The following RARB variants were observed in gnomAD, a reference collection of about 807,000 sequenced individuals.
RARB encodes HBV-activated protein.
In RARB, 17 loss-of-function variants were observed where a neutral mutation model predicts 51.9. The ratio of observed to expected loss-of-function variants is 0.33; its 90% CI spans 0.22 to 0.49. The LOEUF is 0.49. Among genes scored for constraint, RARB ranks in the 20% least tolerant of loss-of-function variants. The pLI is 0.99. For synonymous variants in RARB, 215 were observed against 195.4 expected (o/e 1.10, Z -0.84); for missense variants, 369 against 550.8 (o/e 0.67, Z 3.30).
intron 3 of RARB, among the ~76,000 whole-genome samples, chr3:25,085,975 C>A (rs1699097196): frequency 6.6e-6 from 1 of 152,166 alleles, no homozygotes; most frequent in Admixed American, 6.5e-5. Context: ...GGAAGAAGTT[C>A]TCCTCCACGT....
chr3:25,530,920 T>C (rs1377067393), intron 3 of RARB, among the ~76,000 whole-genome samples: 1 of 152,186 alleles, frequency 6.6e-6, no homozygotes, highest in Non-Finnish European at 1.5e-5. Flanking sequence ...GGTTTCAGGA[T>C]CATATGGACT....
At chr3:25,082,373 T>A (rs961956957) in intron 3 of RARB, among the ~76,000 whole-genome samples, 6 of 152,124 alleles carry the variant, frequency 3.9e-5, no homozygotes, top group Non-Finnish European at 5.9e-5. Context: ...TCTTCTTTTT[T>A]CTGATTTTTG....
At chr3:25,090,851 A>C (rs149335511) in intron 3 of RARB, among the ~76,000 whole-genome samples, 1 of 151,934 alleles carries the variant, frequency 6.6e-6, no homozygotes, top group Non-Finnish European at 1.5e-5. Flanking sequence ...TCAAACTCAC[A>C]CTCCATTTTT....
chr3:25,062,594 G>C (rs928941195), intron 3 of RARB, among the ~76,000 whole-genome samples: 1 of 151,884 alleles, frequency 6.6e-6, no homozygotes, highest in Non-Finnish European at 1.5e-5. Context: ...TGAAATATAA[G>C]TATTGATACT....
At chr3:25,387,804 T>C (rs1363998099) in intron 5 of RARB, among the ~76,000 whole-genome samples, 1 of 147,988 alleles carries the variant, frequency 6.8e-6, no homozygotes, top group Non-Finnish European at 1.5e-5. Context: ...TTGTGTTTTA[T>C]GTCAAAATAA....
chr3:25,240,145 T>C (rs1367607604), intron 5 of RARB, among the ~76,000 whole-genome samples: 3 of 152,046 alleles, frequency 2.0e-5, no homozygotes, highest in African/African-American at 7.2e-5. Flanking sequence ...TAGTTCATCA[T>C]TGGTGTATAG....
At chr3:25,501,371 G>T in intron 3 of RARB, 48 bp downstream of exon 3, 2 of 1,594,816 alleles carry the variant, frequency 1.3e-6, no homozygotes, top group South Asian at 1.1e-5. Context: ...TTATCTCTGT[G>T]ATTTGCTCAC....
chr3:24,981,353 G>T (rs768573649), intron 2 of RARB, among the ~76,000 whole-genome samples: 17 of 152,188 alleles, frequency 1.1e-4, no homozygotes, highest in Non-Finnish European at 2.5e-4. Flanking sequence ...GCTGCCTTTT[G>T]TTTAGTTATG....
chr3:25,117,927 T>C (rs1699718560), intron 3 of RARB, among the ~76,000 whole-genome samples: 1 of 152,164 alleles, frequency 6.6e-6, no homozygotes, highest in African/African-American at 2.4e-5. Flanking sequence ...AAGTTACAAT[T>C]GAAGGGTGAA....
intron 5 of RARB, among the ~76,000 whole-genome samples, chr3:25,209,950 A>G (rs559898500): frequency 8.5e-5 from 13 of 152,284 alleles, no homozygotes; most frequent in Non-Finnish European, 1.5e-4. Flanking sequence ...AAACATTCTT[A>G]ATAAGATAAC....
At chr3:24,898,526 G>A (rs184820293) in intron 2 of RARB, among the ~76,000 whole-genome samples, 73 of 152,144 alleles carry the variant, frequency 4.8e-4, no homozygotes, top group African/African-American at 1.8e-3. Flanking sequence ...TTATAGCAAT[G>A]TTTGAAAAAT....
chr3:25,408,174 T>C (rs1707464766), intron 5 of RARB, among the ~76,000 whole-genome samples: 1 of 152,190 alleles, frequency 6.6e-6, no homozygotes, highest in South Asian at 2.1e-4. Flanking sequence ...AGGCTCTGTG[T>C]CTCATTTCTT....
At chr3:25,121,450 G>C (rs1203228788) in intron 3 of RARB, among the ~76,000 whole-genome samples, 1 of 152,078 alleles carries the variant, frequency 6.6e-6, no homozygotes, top group African/African-American at 2.4e-5. Context: ...ACAGTTAATT[G>C]ATGTATAAAC....
chr3:25,198,635 A>G (rs1701305458), intron 5 of RARB, among the ~76,000 whole-genome samples: 1 of 152,180 alleles, frequency 6.6e-6, no homozygotes, highest in Non-Finnish European at 1.5e-5. Context: ...AAAAGATTTG[A>G]ATAGATATTT....
chr3:25,053,828 C>T (rs1698386182), intron 2 of RARB, among the ~76,000 whole-genome samples: 1 of 152,190 alleles, frequency 6.6e-6, no homozygotes, highest in African/African-American at 2.4e-5. Flanking sequence ...GCTATCATCT[C>T]TCTTCCTTGC....
rs1444818636 is a variant in RARB, at chr3:25,067,856, G to T, written c.-328+7680G>T. 3.9e-5 allele frequency among the ~76,000 whole-genome samples: 6 copies of T among 152,142 alleles called. No homozygotes were observed. The Middle Eastern group carries it at 0.014, about 347-fold the overall frequency. Reference sequence around the variant, plus strand: ...TATTCTTCTAGGAAATTAAATCTTGGCCGGGTGCAGTGGCTCACGCCTGTA... The same window carrying T: ...TATTCTTCTAGGAAATTAAATCTTGTCCGGGTGCAGTGGCTCACGCCTGTA... On this transcript the variant is annotated intron_variant, in intron 3 of 11. Coordinates refer to the RARB transcript ENST00000383772.
At chr3:25,218,871 G>A (rs1040253168) in intron 5 of RARB, among the ~76,000 whole-genome samples, 4 of 152,148 alleles carry the variant, frequency 2.6e-5, no homozygotes, top group Non-Finnish European at 5.9e-5. Flanking sequence ...CCATCCAGTG[G>A]TCTTTCTGCT....
At chr3:25,288,629 A>G (rs548702846) in intron 5 of RARB, among the ~76,000 whole-genome samples, 9 of 152,244 alleles carry the variant, frequency 5.9e-5, no homozygotes, top group African/African-American at 2.2e-4. Context: ...ACTGGCTTTC[A>G]CCACTGGAGA....
At chr3:24,859,091 A>G (rs1702692502) in intron 2 of RARB, among the ~76,000 whole-genome samples, 1 of 151,944 alleles carries the variant, frequency 6.6e-6, no homozygotes, top group Non-Finnish European at 1.5e-5. Context: ...CTCTTATTAG[A>G]AGCTATGGTC....
Sources: gnomAD v4.1 joint callset for allele counts (sites outside exome capture counted in the v4.1 genomes callset) on GRCh38, gnomAD v4.1.1 for gene constraint, MANE v1.5 for transcripts, NCBI Gene and HGNC (gene_info 2026-07-23, HGNC 2026-07-21) for gene names.